TUSC3: variants seen among roughly 807,000 people sequenced by gnomAD.
TUSC3 encodes the protein dolichyl-diphosphooligosaccharide--protein glycosyltransferase subunit TUSC3.
TUSC3 carries 45 observed loss-of-function variants against 44.8 expected under a neutral mutation model. That is an observed-to-expected ratio of 1.00 (90% CI 0.79 to 1.29). The LOEUF is 1.29. Ranked by LOEUF, TUSC3 falls within the 50% of genes most tolerant of loss-of-function variation. TUSC3 has a pLI of 0.00. For missense variants in TUSC3, 519 were observed against 437.9 expected, an observed-to-expected ratio of 1.19 and a Z score of -1.65; for synonymous variants, 212 against 152.9, an observed-to-expected ratio of 1.39 and a Z score of -2.85.
At chr8:15,795,716 C>T in the TUSC3 span, among the ~76,000 whole-genome samples, 4 of 152,200 alleles carry the variant, frequency 2.6e-5, no homozygotes, top group Admixed American at 2.0e-4. Context: ...CCAGGTAGTA[C>T]CCACATCAGT....
chr8:15,537,658 G>GTT (rs1421321849), upstream of TUSC3, among the ~76,000 whole-genome samples: 2 of 152,164 alleles, frequency 1.3e-5, no homozygotes, highest in African/African-American at 4.8e-5. Flanking sequence ...TGGAGGGAGC[G>GTT]TAACTTGGAA....
chr8:15,554,768 A>T (rs1203760913), intron 1 of TUSC3, among the ~76,000 whole-genome samples: 2 of 146,388 alleles, frequency 1.4e-5, no homozygotes, highest in African/African-American at 2.5e-5. Context: ...CGCCCGGCTA[A>T]TTTTTTTTTT....
At chr8:15,443,339 TGTGTGTGTGTG>T (rs1800046084) in intron 1 of TUSC3, among the ~76,000 whole-genome samples, 1 of 33,114 alleles carries the variant, frequency 3.0e-5, no homozygotes, top group African/African-American at 1.0e-4. Flanking sequence ...CACCTAATTG[TGTGTGTGTGTG>T]TGTGTGTGTG....
rs560288608 is a variant in TUSC3, at chr8:15,486,617, G to T, written n.189+3134G>T. The stretch of plus-strand genomic sequence containing the variant: ...CCGCCACCATGCCCTGCTAATTTTT[G>T]TATTTTTAGTAGAGATGGGGTTTCA... On this transcript the variant is annotated intron_variant and non_coding_transcript_variant, in intron 2 of 5. Coordinates refer to the TUSC3 transcript ENST00000503191. Among the ~76,000 whole-genome samples, 84 of 151,982 alleles carry T rather than the reference G, an allele frequency of 5.5e-4. 1 individual carries two copies. The South Asian group carries it at 0.016, about 29-fold the overall frequency.
rs544862566 is a variant in TUSC3 at position 15,602,116 on chromosome 8, A to G, written c.139-20964A>G. On this transcript the variant is annotated intron_variant, in intron 1 of 10. Transcript: ENST00000503731. Reference sequence around the variant, plus strand: ...AGCATTTTGGATTTCAGATGTTAAGAATAAGGATGCTCAGTCAGTAGCCAT... The same window carrying G: ...AGCATTTTGGATTTCAGATGTTAAGGATAAGGATGCTCAGTCAGTAGCCAT... 1.6e-3 allele frequency among the ~76,000 whole-genome samples: 238 copies of G among 151,698 alleles called. 1 individual carries two copies. The highest frequency in any genetic ancestry group is 5.5e-3 in the African/African-American group (229 of 41,472).
intron 1 of TUSC3, among the ~76,000 whole-genome samples, chr8:15,457,297 C>A (rs1429856469): frequency 6.6e-6 from 1 of 151,074 alleles, no homozygotes; most frequent in Non-Finnish European, 1.5e-5. Context: ...GCACAAGTAC[C>A]CTAGAACTTA....
At chr8:15,471,143 C>G (rs1293254745) in intron 1 of TUSC3, among the ~76,000 whole-genome samples, 1 of 151,878 alleles carries the variant, frequency 6.6e-6, no homozygotes, top group Non-Finnish European at 1.5e-5. Flanking sequence ...GATTTAATTC[C>G]CCAGCACTAC....
intron 9 of TUSC3, among the ~76,000 whole-genome samples, chr8:15,751,723 G>A (rs181027517): frequency 6.6e-6 from 1 of 152,320 alleles, no homozygotes; most frequent in East Asian, 1.9e-4. Flanking sequence ...TATGTGACCA[G>A]AGTAGTATTT....
At chr8:15,554,114 A>T (rs1802150307) in intron 1 of TUSC3, among the ~76,000 whole-genome samples, 1 of 150,762 alleles carries the variant, frequency 6.6e-6, no homozygotes, top group African/African-American at 2.4e-5. Context: ...TTCAAGGGAC[A>T]AACGAGCTCC....
intron 1 of TUSC3, among the ~76,000 whole-genome samples, chr8:15,581,995 G>C (rs1803373554): frequency 6.6e-6 from 1 of 151,926 alleles, no homozygotes; most frequent in East Asian, 1.9e-4. Context: ...AGCCAGGTGT[G>C]GGATATAATC....
Position 15,704,772 on chromosome 8 carries a change from C to T in TUSC3, c.799-25894C>T, listed in dbSNP as rs186219363. ...ATGTAAAAAGAATGAGCATTGTTTG[C>T]TCCTATATTGACCCTGACGAGTTTT... is the stretch of plus-strand genomic sequence containing the variant. On this transcript the variant is annotated intron_variant, in intron 6 of 10. Coordinates refer to ENST00000503731, the MANE Select transcript of TUSC3 (RefSeq NM_006765.4). Among the ~76,000 whole-genome samples the T allele has an allele frequency of 3.2e-3, 483 of 151,976 alleles. 2 individuals carry two copies. The highest frequency in any genetic ancestry group is 0.011 in the African/African-American group (471 of 41,486).
intron 1 of TUSC3, among the ~76,000 whole-genome samples, chr8:15,597,156 A>G (rs1033918041): frequency 2.6e-5 from 4 of 151,992 alleles, no homozygotes; most frequent in African/African-American, 7.3e-5. Context: ...GGTCAGAATC[A>G]TGACAGTAGA....
At chr8:15,740,612 G>GTACAACTCTTTTCCT (rs1563199599) in intron 7 of TUSC3, among the ~76,000 whole-genome samples, 1 of 152,016 alleles carries the variant, frequency 6.6e-6, no homozygotes, top group East Asian at 1.9e-4. Flanking sequence ...TGAGCTATTC[G>GTACAACTCTTTTCCT]TACAACTCTT....
At chr8:15,523,704 GTGTGTATA>G (rs1352284099) in intron 2 of TUSC3, among the ~76,000 whole-genome samples, 4 of 112,594 alleles carry the variant, frequency 3.6e-5, no homozygotes, top group African/African-American at 1.6e-4. Flanking sequence ...GTGTGTGTGT[GTGTGTATA>G]TATATATATA....
At chr8:15,783,619 T>C in the TUSC3 span, among the ~76,000 whole-genome samples, 1 of 152,216 alleles carries the variant, frequency 6.6e-6, no homozygotes, top group Non-Finnish European at 1.5e-5. Flanking sequence ...GAACACACAA[T>C]AGAGAAAGGA....
rs1007722552 is a variant in TUSC3, at chr8:15,489,407, T to C, written n.189+5924T>C. On this transcript the variant is annotated intron_variant and non_coding_transcript_variant, in intron 2 of 5. Coordinates refer to the TUSC3 transcript ENST00000503191. The stretch of plus-strand genomic sequence containing the variant: ...CACAGATGGCCACCCTTAGAGAAAA[T>C]AGATGGCAGCTGTTTTCTATTCAGA... Among the ~76,000 whole-genome samples, 6 of 152,022 alleles carry C rather than the reference T, an allele frequency of 3.9e-5. No individual in the cohort carries two copies. In the East Asian group the frequency reaches 5.8e-4, roughly 15 times the overall value.
intron 4 of TUSC3, among the ~76,000 whole-genome samples, chr8:15,661,708 C>T (rs1249539104): frequency 2.0e-5 from 3 of 151,762 alleles, no homozygotes; most frequent in African/African-American, 7.3e-5. Flanking sequence ...CTACAGTCTT[C>T]GTGTTTTAAA....
At chr8:15,828,217 A>G in the TUSC3 span, among the ~76,000 whole-genome samples, 2 of 151,958 alleles carry the variant, frequency 1.3e-5, no homozygotes, top group Non-Finnish European at 2.9e-5. Context: ...CTGGTCGCGA[A>G]CTCCCCACCT....
In TUSC3 at chr8:15,764,587, A is replaced by G; in HGVS notation, c.*431A>G. On this transcript the variant is annotated 3_prime_UTR_variant, in exon 11 of 11. Coordinates refer to ENST00000503731, the MANE Select transcript of TUSC3 (RefSeq NM_006765.4). ...AAGATTCTTAGTATTGTACAGGGAT[A>G]AAGCAAATGCATGAAAATATGTCAT... is the stretch of plus-strand genomic sequence containing the variant. 4.8e-6 allele frequency: 1 copy of G among 209,548 alleles called. No individual in the cohort carries two copies. Among genetic ancestry groups the G allele is most frequent in the South Asian group, 8.0e-5 (1 of 12,538 alleles). The allele number at this position is 209,548 out of a possible 1,614,324, so 13.0% of individuals were successfully genotyped here.
Sources: gnomAD v4.1 joint callset for allele counts (sites outside exome capture counted in the v4.1 genomes callset) on GRCh38, gnomAD v4.1.1 for gene constraint, MANE v1.5 for transcripts, NCBI Gene and HGNC (gene_info 2026-07-23, HGNC 2026-07-21) for gene names.